The following PCDHA7 variants were observed in gnomAD, a reference collection of about 807,000 sequenced individuals.
PCDHA7 encodes the protein protocadherin alpha 7, also known as protocadherin alpha-7.
A neutral mutation model predicts 57.2 loss-of-function variants in PCDHA7; 37 were observed. That is an observed-to-expected ratio of 0.65 (90% CI 0.50 to 0.85). The LOEUF is 0.85. Among genes scored for constraint, PCDHA7 ranks in the 40% least tolerant of loss-of-function variants. The probability of loss-of-function intolerance (pLI) is 0.00; values close to 1 mark genes in which losing one functional copy is unlikely to be tolerated. For missense variants in PCDHA7, 1,188 were observed against 1,241.8 expected (o/e 0.96, Z 0.65); for synonymous variants, 553 against 558.8 (o/e 0.99, Z 0.15).
intron 1 of PCDHA7, among the ~76,000 whole-genome samples, chr5:140,896,022 G>A (rs940712653): frequency 6.6e-6 from 1 of 152,136 alleles, no homozygotes; most frequent in East Asian, 1.9e-4. Context: ...TGTTGGCCAG[G>A]CTGGTCTCGA....
At chr5:140,918,428 T>C (rs2078691655) in intron 1 of PCDHA7, among the ~76,000 whole-genome samples, 1 of 152,194 alleles carries the variant, frequency 6.6e-6, no homozygotes, top group African/African-American at 2.4e-5. Context: ...AGTAGGATGT[T>C]GAATAGGAGT....
Position 141,009,658 on chromosome 5 carries a change from C to T in PCDHA7, c.2535C>T (p.Val845=), listed in dbSNP as rs571898721. The T allele has an allele frequency of 6.2e-6, 10 of 1,613,948 alleles. No individual in the cohort carries two copies. Among genetic ancestry groups the T allele is most frequent in the South Asian group, 4.4e-5 (4 of 91,030 alleles). The change falls in exon 4 of 4, where the codon GTC becomes GTT. Residue 845 remains valine, a synonymous_variant. Transcript: ENST00000525929. ...EPEAGEVSPP[V]GAGVNSNSWT... ...AGGCAGGAGAAGTGTCCCCTCCAGT[C>T]GGTGCGGGTGTCAACAGCAACAGCT...
intron 1 of PCDHA7, among the ~76,000 whole-genome samples, chr5:140,955,262 C>T (rs1473601347): frequency 1.3e-5 from 2 of 152,044 alleles, no homozygotes; most frequent in African/African-American, 4.8e-5. Flanking sequence ...TATAAAGGCT[C>T]TTTTTTGGTT....
At chr5:140,861,440 C>T (rs575320775) in intron 1 of PCDHA7, 3 of 493,406 alleles carry the variant, frequency 6.1e-6, no homozygotes, top group South Asian at 4.7e-5. Context: ...ATTCCAAAAG[C>T]CGCAGAAACC....
intron 3 of PCDHA7, among the ~76,000 whole-genome samples, chr5:141,000,381 CTCTCTCTCTCTCTCTATA>C (rs1371464108): frequency 4.9e-5 from 3 of 61,382 alleles, no homozygotes; most frequent in South Asian, 5.3e-4. Flanking sequence ...CTCTCTCTCT[CTCTCTCTCTCTCTCTATA>C]TATATATATA....
chr5:140,882,767 G>T lies in PCDHA7; in HGVS notation c.2355+46029G>T, dbSNP rs1348655523. ...CGATGCAGATATTGGAGTAAACTCG[G>T]CATTGACCTACCGACTGGATCCCAA... On this transcript the variant is annotated intron_variant, in intron 1 of 3. Transcript: ENST00000525929. 1.9e-6 allele frequency: 3 copies of T among 1,614,058 alleles called. No individual in the cohort carries two copies. The South Asian group carries it at 3.3e-5, about 18-fold the overall frequency.
chr5:141,009,809 G>T lies in PCDHA7; in HGVS notation c.2686G>T (p.Asp896Tyr), dbSNP rs782057926. The T allele has an allele frequency of 6.2e-7, 1 of 1,613,834 alleles. No homozygotes were observed. Among genetic ancestry groups the T allele is most frequent in the Non-Finnish European group, 8.5e-7 (1 of 1,180,010 alleles). ...GCAGGAGCCTACTAACAGCCAAATT[G>T]ACAAAAGTGACTTCATAACCTTCGG... ...IRQEPTNSQI[D>Y]KSDFITFGKK... The change falls in exon 4 of 4, where the codon GAC becomes TAC. Residue 896 changes from aspartate to tyrosine, a missense_variant. Physicochemically the swap from Asp to Tyr is radical, Grantham distance 160 (BLOSUM62 -3). Coordinates refer to ENST00000525929, the MANE Select transcript of PCDHA7 (RefSeq NM_018910.3).
At chr5:140,986,862 G>A (rs1441287999) in intron 3 of PCDHA7, among the ~76,000 whole-genome samples, 2 of 152,068 alleles carry the variant, frequency 1.3e-5, no homozygotes, top group East Asian at 1.9e-4. Flanking sequence ...AACAATACCC[G>A]GAAACTTGTT....
chr5:140,840,515 G>A (rs768946675), intron 1 of PCDHA7, among the ~76,000 whole-genome samples: 2 of 151,998 alleles, frequency 1.3e-5, no homozygotes, highest in African/African-American at 4.8e-5. Context: ...TTTTGGAGCA[G>A]AAGAAAGATG....
chr5:140,935,230 CTA>C (rs1363291872), intron 1 of PCDHA7, among the ~76,000 whole-genome samples: 2 of 152,128 alleles, frequency 1.3e-5, no homozygotes, highest in African/African-American at 4.8e-5. Context: ...TAAGGGATGT[CTA>C]TTTTTTAAAA....
rs1554138258 is a variant in PCDHA7 at position 140,841,498 on chromosome 5, G to C, written c.2355+4760G>C. ...ACCTGGGGCTGGAGCTGGCGGAGCT[G>C]GTGCCGCGCCTGTTCCGGGTGGCGT... is the stretch of plus-strand genomic sequence containing the variant. On this transcript the variant is annotated intron_variant, in intron 1 of 3. Coordinates refer to ENST00000525929, the MANE Select transcript of PCDHA7 (RefSeq NM_018910.3). 5 of 1,613,284 alleles carry C rather than the reference G, an allele frequency of 3.1e-6. No individual in the cohort carries two copies. The Admixed American group carries it at 6.7e-5, about 22-fold the overall frequency.
intron 1 of PCDHA7, chr5:140,966,810 G>C (rs1290992432): frequency 3.2e-6 from 5 of 1,548,566 alleles, no homozygotes; most frequent in Non-Finnish European, 4.3e-6. Context: ...GAGCATCCAC[G>C]GCTCCGGCGG....
intron 1 of PCDHA7, chr5:140,850,559 C>T (rs2150489407): frequency 1.9e-6 from 3 of 1,598,268 alleles, no homozygotes; most frequent in Non-Finnish European, 2.6e-6. Context: ...GTGCCACGGG[C>T]CCCGAGGTGA....
chr5:140,896,687 T>G (rs782089227), intron 1 of PCDHA7, among the ~76,000 whole-genome samples: 2 of 152,170 alleles, frequency 1.3e-5, no homozygotes, highest in Non-Finnish European at 2.9e-5. Context: ...CTTTGCCCAT[T>G]TTTTGATGAG....
chr5:140,929,436 C>T, intron 1 of PCDHA7: 1 of 1,470,330 alleles, frequency 6.8e-7, no homozygotes, highest in Non-Finnish European at 9.1e-7. Context: ...TTGAACTAAA[C>T]ACTCCTTCTT....
intron 1 of PCDHA7, chr5:140,864,715 T>G (rs540368944): frequency 1.3e-5 from 2 of 152,390 alleles, no homozygotes; most frequent in Non-Finnish European, 2.9e-5. Flanking sequence ...GCTCTTCTAC[T>G]ATTTTGGGAA....
intron 1 of PCDHA7, among the ~76,000 whole-genome samples, chr5:140,909,701 T>A (rs1038404823): frequency 4.6e-4 from 70 of 152,334 alleles, no homozygotes; most frequent in African/African-American, 1.6e-3. Flanking sequence ...TTCTGCTAGC[T>A]GCTAAGTATA....
At chr5:140,911,985 A>C (rs1554195072) in intron 1 of PCDHA7, among the ~76,000 whole-genome samples, 2 of 152,204 alleles carry the variant, frequency 1.3e-5, no homozygotes, top group African/African-American at 4.8e-5. Flanking sequence ...CATGATCACA[A>C]GGTCCCACAA....
rs1440193758 is a variant in PCDHA7 at position 140,844,281 on chromosome 5, T to C, written c.2355+7543T>C. ...AGTGATAAAATACAGAATGATAGTG[T>C]TTTTCAAAATTTGATAGTTTTCATA... On this transcript the variant is annotated intron_variant, in intron 1 of 3. Coordinates refer to ENST00000525929, the MANE Select transcript of PCDHA7 (RefSeq NM_018910.3). Among the ~76,000 whole-genome samples the C allele has an allele frequency of 1.3e-5, 2 of 149,114 alleles. 1 individual carries two copies. Among genetic ancestry groups the C allele is most frequent in the Non-Finnish European group, 3.0e-5 (2 of 66,432 alleles).
Sources: allele counts gnomAD v4.1 joint callset (sites outside exome capture counted in the v4.1 genomes callset), GRCh38; gene constraint gnomAD v4.1.1; transcripts MANE v1.5; gene names NCBI Gene and HGNC (gene_info 2026-07-23, HGNC 2026-07-21).